CLEC9A: variants seen among roughly 807,000 people sequenced by gnomAD.
CLEC9A encodes the protein C-type lectin domain containing 9A.
A neutral mutation model predicts 30.0 loss-of-function variants in CLEC9A; 24 were observed. The observed-to-expected ratio is 0.80, with a 90% CI of 0.58 to 1.13. The LOEUF (loss-of-function observed/expected upper bound fraction) is 1.13, where lower values mean the gene tolerates loss of function less well. CLEC9A is among the 50% of genes most tolerant of loss of function. The pLI, the probability that CLEC9A is intolerant of heterozygous loss-of-function variation, is 0.00. For synonymous variants in CLEC9A, 111 were observed against 96.8 expected (o/e 1.15, Z -0.86); for missense variants, 251 against 280.9 (o/e 0.89, Z 0.76).
intron 7 of CLEC9A, among the ~76,000 whole-genome samples, chr12:10,064,050 G>A (rs1866021223): frequency 6.6e-6 from 1 of 152,014 alleles, no homozygotes; most frequent in Non-Finnish European, 1.5e-5. Context: ...TGAACAATAA[G>A]ATGTTGCCTT....
At chr12:10,060,899 G>C (rs2137313829) in intron 5 of CLEC9A, 1 of 405,864 alleles carries the variant, frequency 2.5e-6, no homozygotes, top group East Asian at 5.1e-5. Context: ...TGGTTGTTTG[G>C]GGGTAGTAAA....
chr12:10,053,957 A>G (rs1865917305), intron 4 of CLEC9A, among the ~76,000 whole-genome samples: 2 of 152,186 alleles, frequency 1.3e-5, no homozygotes, highest in Non-Finnish European at 1.5e-5. Context: ...TCTCTAAAAG[A>G]TTGTTGGAAA....
chr12:10,065,780 G>T lies in CLEC9A; in HGVS notation c.*148G>T. ...ACCTGGGACTCAATAATACACTTGG[G>T]AATATTCTTCCACACCGTCCAGATT... On this transcript the variant is annotated 3_prime_UTR_variant, in exon 9 of 9. Transcript: ENST00000355819. 1 of 734,310 alleles carries T rather than the reference G, an allele frequency of 1.4e-6. No homozygotes were observed. Among genetic ancestry groups the T allele is most frequent in the Admixed American group, 2.9e-5 (1 of 34,982 alleles). The allele number at this position is 734,310 out of a possible 1,614,324, so 45.5% of individuals were successfully genotyped here.
chr12:10,041,379 TTGGGATC>T (rs1421944964), intron 1 of CLEC9A, 80 bp from the exon 2 acceptor site: 11 of 265,802 alleles, frequency 4.1e-5, no homozygotes, highest in African/African-American at 2.5e-4. Flanking sequence ...GAAGGGAGTC[TTGGGATC>T]TGCAGAATAC....
intron 7 of CLEC9A, 134 bp from the exon 8 acceptor site, chr12:10,064,597 TA>T: frequency 1.1e-6 from 1 of 905,734 alleles, no homozygotes; most frequent in Non-Finnish European, 1.6e-6. Flanking sequence ...CACTTTTTTA[TA>T]ATACTCCCTT....
chr12:10,040,558 C>T (rs959831416), intron 1 of CLEC9A, among the ~76,000 whole-genome samples: 1 of 151,640 alleles, frequency 6.6e-6, no homozygotes, highest in Non-Finnish European at 1.5e-5. Flanking sequence ...TCACGCCATT[C>T]TCCTGCCTCA....
At chr12:10,031,037 T>A (rs1015442301) in intron 1 of CLEC9A, 65 bp downstream of exon 1, 1 of 152,124 alleles carries the variant, frequency 6.6e-6, no homozygotes, top group Non-Finnish European at 1.5e-5. Context: ...GAGAAGGTCA[T>A]CTGAACCTAC....
At chr12:10,039,308 A>G (rs1865771092) in intron 1 of CLEC9A, among the ~76,000 whole-genome samples, 1 of 152,122 alleles carries the variant, frequency 6.6e-6, no homozygotes, top group Admixed American at 6.5e-5. Flanking sequence ...AATGGTCACT[A>G]TTTGTCTGTT....
At chr12:10,047,920 A>T (rs1464162536) in intron 2 of CLEC9A, among the ~76,000 whole-genome samples, 2 of 152,088 alleles carry the variant, frequency 1.3e-5, no homozygotes, top group Admixed American at 6.5e-5. Flanking sequence ...GTAGATGCAG[A>T]TGCGGCTATT....
intron 6 of CLEC9A, 33 bp from the exon 7 acceptor site, chr12:10,063,022 T>A: frequency 1.3e-6 from 2 of 1,555,804 alleles, no homozygotes; most frequent in South Asian, 2.5e-5. Flanking sequence ...TATTTTACAA[T>A]AAGATACTAA....
chr12:10,052,942 G>A (rs920490013), intron 4 of CLEC9A, 164 bp downstream of exon 4: 1 of 738,526 alleles, frequency 1.4e-6, no homozygotes, highest in African/African-American at 1.8e-5. Flanking sequence ...TTAAGTAACG[G>A]TGAAAAATAA....
chr12:10,047,004 T>G (rs769461612), intron 2 of CLEC9A, among the ~76,000 whole-genome samples: 55 of 152,182 alleles, frequency 3.6e-4, no homozygotes, highest in Non-Finnish European at 6.0e-4. Context: ...TAATACATAC[T>G]CAATAAGTGT....
intron 1 of CLEC9A, among the ~76,000 whole-genome samples, chr12:10,031,390 G>A (rs1004981482): frequency 6.6e-6 from 1 of 152,208 alleles, no homozygotes; most frequent in Admixed American, 6.5e-5. Flanking sequence ...GAGAGGGAAA[G>A]GGAGTCAAAC....
chr12:10,056,058 CAA>C (rs58274495), intron 5 of CLEC9A, among the ~76,000 whole-genome samples: 7 of 47,528 alleles, frequency 1.5e-4, no homozygotes, highest in South Asian at 1.3e-3. Flanking sequence ...GACTCTGTCT[CAA>C]AAAAAAAAAA....
At chr12:10,064,462 G>A (rs905100561) in intron 7 of CLEC9A, among the ~76,000 whole-genome samples, 22 of 151,936 alleles carry the variant, frequency 1.4e-4, no homozygotes, top group Non-Finnish European at 2.4e-4. Flanking sequence ...TTTTTTTGAC[G>A]TATACTACCT....
intron 1 of CLEC9A, among the ~76,000 whole-genome samples, chr12:10,039,040 C>G (rs1428852149): frequency 1.3e-5 from 2 of 152,324 alleles, no homozygotes; most frequent in African/African-American, 4.8e-5. Flanking sequence ...CCTGAGAAGG[C>G]AGGGGCAGGG....
rs115957111 is a variant in CLEC9A at position 10,041,517 on chromosome 12, G to T, written c.-266G>T. On this transcript the variant is annotated 5_prime_UTR_variant, in exon 2 of 9. Transcript: ENST00000355819. ...GCCAACTGGACATATTATGGAGATA[G>T]CTGCTATGGGTTCTTCAAACACAAC... 12 of 493,962 alleles carry T rather than the reference G, an allele frequency of 2.4e-5. No homozygotes were observed. The highest frequency in any genetic ancestry group is 2.4e-4 in the African/African-American group (12 of 50,344). 30.6% of individuals were successfully genotyped at this position (493,962 alleles called of 1,614,324 possible).
At chr12:10,051,167 A>G (rs1032250185) in intron 2 of CLEC9A, among the ~76,000 whole-genome samples, 1 of 151,808 alleles carries the variant, frequency 6.6e-6, no homozygotes, top group Admixed American at 6.6e-5. Context: ...ATAGGGCCAC[A>G]GCACTCCAGC....
chr12:10,032,001 G>A (rs1002956438), intron 1 of CLEC9A, among the ~76,000 whole-genome samples: 2 of 152,118 alleles, frequency 1.3e-5, no homozygotes, highest in East Asian at 3.9e-4. Context: ...CAGTGTTGCA[G>A]ATGCTCAATG....
Sources: gnomAD v4.1 joint callset for allele counts (sites outside exome capture counted in the v4.1 genomes callset) on GRCh38, gnomAD v4.1.1 for gene constraint, MANE v1.5 for transcripts, NCBI Gene and HGNC (gene_info 2026-07-23, HGNC 2026-07-21) for gene names.